Variants in OPCML observed in about 807,000 individuals in gnomAD.
OPCML encodes opioid-binding protein/cell adhesion molecule.
OPCML carries 13 observed loss-of-function variants against 37.8 expected under a neutral mutation model. That is an observed-to-expected ratio of 0.34 (90% CI 0.22 to 0.55). The LOEUF is 0.55. OPCML is among the 20% of genes least tolerant of loss of function. OPCML has a pLI of 0.91. For synonymous variants in OPCML, 176 were observed against 168.8 expected (o/e 1.04, Z -0.33); for missense variants, 341 against 435.6 (o/e 0.78, Z 1.93).
chr11:132,524,829 T>G (rs2096303832), intron 4 of OPCML, among the ~76,000 whole-genome samples: 1 of 152,208 alleles, frequency 6.6e-6, no homozygotes, highest in Non-Finnish European at 1.5e-5. Flanking sequence ...TGGGGATGCT[T>G]CAAAACTTTT....
chr11:132,934,080 G>A (rs1945294209), intron 2 of OPCML, among the ~76,000 whole-genome samples: 1 of 152,192 alleles, frequency 6.6e-6, no homozygotes, highest in African/African-American at 2.4e-5. Context: ...TTACACATAA[G>A]CAGGGTAGAC....
intron 7 of OPCML, among the ~76,000 whole-genome samples, chr11:132,429,030 T>TGGAG (rs1422666127): frequency 3.3e-5 from 4 of 122,726 alleles, no homozygotes; most frequent in East Asian, 2.9e-4. Context: ...GATGAATGGA[T>TGGAG]GGAGGGATGG....
chr11:132,981,629 C>T (rs1474537905), intron 1 of OPCML, among the ~76,000 whole-genome samples: 1 of 152,146 alleles, frequency 6.6e-6, no homozygotes, highest in African/African-American at 2.4e-5. Flanking sequence ...GTAAGAATGA[C>T]TAGAGGAGAG....
At chr11:132,436,267 C>T (rs932079233) in intron 6 of OPCML, 30 bp from the exon 7 acceptor site, 3 of 1,613,972 alleles carry the variant, frequency 1.9e-6, no homozygotes, top group Non-Finnish European at 2.5e-6. Flanking sequence ...GCTATCAATT[C>T]ATTCTACAAA....
intron 1 of OPCML, among the ~76,000 whole-genome samples, chr11:133,456,796 T>A (rs1214446440): frequency 1.2e-4 from 17 of 144,900 alleles, no homozygotes; most frequent in African/African-American, 4.0e-4. Flanking sequence ...AAAAAAAAAA[T>A]TCACTGAACT....
At chr11:132,770,702 G>T (rs538393944) in intron 2 of OPCML, among the ~76,000 whole-genome samples, 13 of 152,150 alleles carry the variant, frequency 8.5e-5, no homozygotes, top group Non-Finnish European at 1.5e-4. Flanking sequence ...CGACTCTGTG[G>T]CCATTAGAAA....
At chr11:133,114,091 G>A (rs1949296043) in intron 1 of OPCML, among the ~76,000 whole-genome samples, 2 of 152,194 alleles carry the variant, frequency 1.3e-5, no homozygotes, top group Admixed American at 6.5e-5. Context: ...ACTGGCAGTT[G>A]TGGAAGAATT....
chr11:133,137,174 C>A (rs182147834), intron 1 of OPCML, among the ~76,000 whole-genome samples: 1 of 151,946 alleles, frequency 6.6e-6, no homozygotes, highest in South Asian at 2.1e-4. Flanking sequence ...TTTGGCTGAG[C>A]CTCTCTTGAA....
chr11:133,447,546 A>G (rs890417556), intron 1 of OPCML, among the ~76,000 whole-genome samples: 3 of 151,898 alleles, frequency 2.0e-5, no homozygotes, highest in Admixed American at 2.0e-4. Flanking sequence ...ATGACTTCCC[A>G]TTGTCTATTG....
intron 2 of OPCML, among the ~76,000 whole-genome samples, chr11:132,844,047 C>T (rs1229590566): frequency 2.0e-5 from 3 of 152,180 alleles, no homozygotes; most frequent in African/African-American, 7.2e-5. Flanking sequence ...CTCAGGAGAT[C>T]TGATGGTTTT....
chr11:132,988,524 G>C (rs1289545074), intron 1 of OPCML, among the ~76,000 whole-genome samples: 2 of 152,196 alleles, frequency 1.3e-5, no homozygotes, highest in Non-Finnish European at 2.9e-5. Flanking sequence ...ATTAAAGCTA[G>C]ACAGAAATGG....
chr11:132,587,225 A>C (rs550761950), intron 3 of OPCML, among the ~76,000 whole-genome samples: 3 of 152,254 alleles, frequency 2.0e-5, no homozygotes, highest in African/African-American at 4.8e-5. Context: ...AGGGGTTTGC[A>C]AAAGGACATA....
intron 1 of OPCML, among the ~76,000 whole-genome samples, chr11:133,152,473 G>A (rs1352954105): frequency 1.3e-5 from 2 of 152,094 alleles, no homozygotes; most frequent in East Asian, 1.9e-4. Flanking sequence ...CGGGAAGAAT[G>A]TCTAATTGCC....
chr11:133,089,078 G>A lies in OPCML; in HGVS notation c.62-146068C>T, dbSNP rs181408759. The stretch of plus-strand genomic sequence containing the variant: ...GTGATTTGACCCATAATATAGAATC[G>A]TTGGATCTAAGCCAATTAAATTTTG... On this transcript the variant is annotated intron_variant, in intron 1 of 7. Coordinates refer to ENST00000524381, the MANE Select transcript of OPCML (RefSeq NM_001012393.5). Among the ~76,000 whole-genome samples, 441 of 152,270 alleles carry A rather than the reference G, an allele frequency of 2.9e-3. 2 individuals are homozygous for A. Among genetic ancestry groups the A allele is most frequent in the African/African-American group, 0.01 (423 of 41,552 alleles).
intron 1 of OPCML, among the ~76,000 whole-genome samples, chr11:132,966,177 A>C (rs992888978): frequency 6.6e-6 from 1 of 152,020 alleles, no homozygotes; most frequent in South Asian, 2.1e-4. Flanking sequence ...GCACCTAAAA[A>C]TGTATCTTTA....
chr11:132,786,074 A>G (rs527730981), intron 2 of OPCML, among the ~76,000 whole-genome samples: 2 of 152,326 alleles, frequency 1.3e-5, no homozygotes, highest in Admixed American at 6.5e-5. Context: ...CCTCCACAGC[A>G]TCTCAGCACC....
At chr11:133,439,447 T>G (rs1946312943) in intron 1 of OPCML, 1 of 984,700 alleles carries the variant, frequency 1.0e-6, no homozygotes, top group Non-Finnish European at 1.2e-6. Flanking sequence ...CTCTTTTTTG[T>G]TTTTTTGTTT....
chr11:132,924,293 T>TCTC lies in OPCML; in HGVS notation c.146+18630_146+18632dup, dbSNP rs903456972. Among the ~76,000 whole-genome samples the TCTC allele has an allele frequency of 2.6e-4, 40 of 152,028 alleles. 1 individual carries two copies. The highest frequency in any genetic ancestry group is 4.4e-4 in the Non-Finnish European group (30 of 67,976). ...TATCAGAACTAGCTTAAGTTAATCA[T>TCTC]CTCCTCCTCCTCCTCTTCTTTTTCT... On this transcript the variant is annotated intron_variant, in intron 2 of 7. Coordinates refer to ENST00000524381, the MANE Select transcript of OPCML (RefSeq NM_001012393.5).
chr11:133,236,971 C>T (rs1940545802), intron 1 of OPCML, among the ~76,000 whole-genome samples: 2 of 152,124 alleles, frequency 1.3e-5, no homozygotes. Flanking sequence ...GGTGAGTGTA[C>T]CCTTCCTGCA....
Sources: allele counts gnomAD v4.1 joint callset (sites outside exome capture counted in the v4.1 genomes callset), GRCh38; gene constraint gnomAD v4.1.1; transcripts MANE v1.5; gene names NCBI Gene and HGNC (gene_info 2026-07-23, HGNC 2026-07-21).